The following SNX6 variants were observed in gnomAD, a reference collection of about 807,000 sequenced individuals.
SNX6 encodes sorting nexin 6, also known as sorting nexin-6.
SNX6 carries 34 observed loss-of-function variants against 63.0 expected under a neutral mutation model. The ratio of observed to expected loss-of-function variants is 0.54; its 90% CI spans 0.41 to 0.72. SNX6 has a LOEUF of 0.72. Among genes scored for constraint, SNX6 ranks in the 30% least tolerant of loss-of-function variants. The probability of loss-of-function intolerance (pLI) is 0.00; values close to 1 mark genes in which losing one functional copy is unlikely to be tolerated. For missense variants in SNX6, 398 were observed against 471.4 expected (o/e 0.84, Z 1.44); for synonymous variants, 170 against 164.2 (o/e 1.04, Z -0.27).
intron 8 of SNX6, among the ~76,000 whole-genome samples, chr14:34,589,362 G>T (rs1017825333): frequency 1.3e-5 from 2 of 152,104 alleles, no homozygotes; most frequent in African/African-American, 4.8e-5. Flanking sequence ...GGCTGAGGCA[G>T]AACTGCTTGA....
chr14:34,565,425 G>C lies in SNX6; in HGVS notation c.1168-2250C>G, dbSNP rs151118527. On this transcript the variant is annotated intron_variant, in intron 13 of 13. Coordinates refer to ENST00000362031, the MANE Select transcript of SNX6 (RefSeq NM_152233.4). ...AAAAAACCCAACCATTTAAAAATGG[G>C]AACACCATTCCCTCCTCACAGACTA... Among the ~76,000 whole-genome samples the C allele has an allele frequency of 2.5e-3, 376 of 151,914 alleles. 3 individuals are homozygous for C. The highest frequency in any genetic ancestry group is 8.7e-3 in the African/African-American group (362 of 41,468).
At chr14:34,583,169 C>T (rs1354474175) in intron 9 of SNX6, among the ~76,000 whole-genome samples, 2 of 151,966 alleles carry the variant, frequency 1.3e-5, no homozygotes, top group Non-Finnish European at 2.9e-5. Flanking sequence ...ATTAGCCTGG[C>T]GTGGTGGCAC....
intron 3 of SNX6, 125 bp downstream of exon 3, chr14:34,609,513 T>TC: frequency 4.3e-6 from 2 of 462,120 alleles, no homozygotes; most frequent in Non-Finnish European, 3.9e-6. Flanking sequence ...AAGTACATTT[T>TC]CCTACATCTA....
intron 2 of SNX6, among the ~76,000 whole-genome samples, chr14:34,624,176 C>T (rs1883735573): frequency 6.6e-6 from 1 of 152,150 alleles, no homozygotes; most frequent in Admixed American, 6.6e-5. Context: ...TCTCGGCTCA[C>T]TGCAACCTCT....
intron 6 of SNX6, among the ~76,000 whole-genome samples, chr14:34,600,918 G>A (rs1284214865): frequency 6.6e-6 from 1 of 151,888 alleles, no homozygotes; most frequent in East Asian, 1.9e-4. Context: ...CTCGGGAGGT[G>A]GAGGCAGAGG....
At chr14:34,626,090 GATGAAATATA>G (rs1409782792) in intron 2 of SNX6, among the ~76,000 whole-genome samples, 2 of 152,052 alleles carry the variant, frequency 1.3e-5, no homozygotes, top group African/African-American at 4.8e-5. Flanking sequence ...TTAGAGGGAT[GATGAAATATA>G]ATGAAATATA....
intron 13 of SNX6, among the ~76,000 whole-genome samples, chr14:34,565,670 CTAT>C: frequency 6.6e-6 from 1 of 151,914 alleles, no homozygotes; most frequent in East Asian, 1.9e-4. Flanking sequence ...GCGTGCACCA[CTAT>C]GCCTGGCTGA....
chr14:34,627,564 C>G (rs1883878886), intron 2 of SNX6, among the ~76,000 whole-genome samples: 1 of 152,172 alleles, frequency 6.6e-6, no homozygotes, highest in Non-Finnish European at 1.5e-5. Flanking sequence ...GCAACCTCCA[C>G]CTCCCAGGTT....
chr14:34,602,561 A>G (rs1170999199), intron 6 of SNX6, among the ~76,000 whole-genome samples: 1 of 147,636 alleles, frequency 6.8e-6, no homozygotes, highest in Non-Finnish European at 1.5e-5. Context: ...ACGGCACTTC[A>G]GCCTGGACGA....
At chr14:34,595,237 C>A (rs905855736) in intron 7 of SNX6, among the ~76,000 whole-genome samples, 65 of 152,266 alleles carry the variant, frequency 4.3e-4, no homozygotes, top group Admixed American at 2.4e-3. Flanking sequence ...GGGGTTCAGG[C>A]AATTCTCCTG....
chr14:34,576,578 A>G (rs552963270), intron 10 of SNX6, among the ~76,000 whole-genome samples: 1 of 151,716 alleles, frequency 6.6e-6, no homozygotes, highest in African/African-American at 2.4e-5. Context: ...CCTCCCGAGT[A>G]GCTGGAATTA....
In SNX6 at chr14:34,630,146, C is replaced by T. The variant is rs1193926482; in HGVS notation, c.-30G>A. Reference sequence around the variant, plus strand: ...GCTCCGAGGCGAGGGCCGGCGCAGGCGCGCATCTCCCTGCTGCCGGAGGGA... The same window carrying T: ...GCTCCGAGGCGAGGGCCGGCGCAGGTGCGCATCTCCCTGCTGCCGGAGGGA... On this transcript the variant is annotated 5_prime_UTR_variant, in exon 1 of 14. Transcript: ENST00000362031. The T allele has an allele frequency of 2.3e-6, 3 of 1,299,980 alleles. No homozygotes were observed. The highest frequency in any genetic ancestry group is 1.9e-6 in the Non-Finnish European group (2 of 1,029,332). 80.5% of individuals were successfully genotyped at this position (1,299,980 alleles called of 1,614,324 possible).
At chr14:34,582,447 T>C (rs759602150) in intron 9 of SNX6, among the ~76,000 whole-genome samples, 2 of 152,130 alleles carry the variant, frequency 1.3e-5, no homozygotes, top group Non-Finnish European at 2.9e-5. Flanking sequence ...TCTCAAGTGA[T>C]CTGCCCGCAG....
At chr14:34,565,394 A>C (rs1566460830) in intron 13 of SNX6, among the ~76,000 whole-genome samples, 1 of 151,742 alleles carries the variant, frequency 6.6e-6, no homozygotes, top group African/African-American at 2.4e-5. Flanking sequence ...TCTACCTTAA[A>C]GAAAAAAAAA....
rs1040181308 is a variant in SNX6 at position 34,603,236 on chromosome 14, C to A, written c.516+112G>T. 8 of 998,518 alleles carry A rather than the reference C, an allele frequency of 8.0e-6. No homozygotes were observed. In the Admixed American group the frequency reaches 2.5e-4, roughly 31 times the overall value. The allele number at this position is 998,518 out of a possible 1,614,324, so 61.9% of individuals were successfully genotyped here. A position where few individuals can be genotyped will look rare whatever the true frequency, so the allele number is the denominator to read the frequency against. On this transcript the variant is annotated intron_variant, in intron 6 of 13. Transcript: ENST00000362031. The stretch of plus-strand genomic sequence containing the variant: ...GAGCTTGCAGTGAGCCAAGATCATG[C>A]CACTATGCCACTGTACTCCAGCCTG...
intron 2 of SNX6, 188 bp downstream of exon 2, chr14:34,629,719 G>C: frequency 1.0e-6 from 1 of 976,792 alleles, no homozygotes; most frequent in Non-Finnish European, 1.5e-6. Context: ...CCCGGGAATC[G>C]GAGCCGAGCG....
intron 11 of SNX6, chr14:34,569,139 C>T (rs375320016): frequency 1.5e-5 from 12 of 825,418 alleles, no homozygotes; most frequent in Admixed American, 6.8e-5. Context: ...TCATGCGGCC[C>T]GGCCTGTGCA....
chr14:34,577,564 G>A (rs946788204), intron 10 of SNX6, among the ~76,000 whole-genome samples: 12 of 152,166 alleles, frequency 7.9e-5, no homozygotes, highest in African/African-American at 1.9e-4. Context: ...GAAGTGGTAT[G>A]TTTGAGGTGA....
intron 6 of SNX6, among the ~76,000 whole-genome samples, chr14:34,602,604 A>G (rs1358524280): frequency 6.6e-6 from 1 of 151,470 alleles, no homozygotes; most frequent in Non-Finnish European, 1.5e-5. Flanking sequence ...AAAAAAAAAA[A>G]AAAGAAAAAT....
Sources: gnomAD v4.1 joint callset for allele counts (sites outside exome capture counted in the v4.1 genomes callset) on GRCh38, gnomAD v4.1.1 for gene constraint, MANE v1.5 for transcripts, NCBI Gene and HGNC (gene_info 2026-07-23, HGNC 2026-07-21) for gene names.